HEXB: variants seen among roughly 807,000 people sequenced by gnomAD.
The protein encoded by HEXB is hexosaminidase subunit beta.
HEXB carries 51 observed loss-of-function variants against 71.2 expected under a neutral mutation model. The ratio of observed to expected loss-of-function variants is 0.72; its 90% CI spans 0.57 to 0.90. HEXB has a LOEUF of 0.90. Among genes scored for constraint, HEXB ranks in the 40% least tolerant of loss-of-function variants. HEXB has a pLI of 0.00. For synonymous variants in HEXB, 266 were observed against 249.3 expected (o/e 1.07, Z -0.63); for missense variants, 617 against 677.0 (o/e 0.91, Z 0.98).
At chr5:74,683,982 A>G (rs820868), upstream of HEXB, among the ~76,000 whole-genome samples, 81,019 of 151,624 alleles carry the variant, frequency 0.53, 22,038 homozygotes, top group Non-Finnish European at 0.57. Context: ...CACCACGCCC[A>G]ACTAATTTTT....
At chr5:74,710,371 C>T (rs1301906478) in intron 6 of HEXB, among the ~76,000 whole-genome samples, 3 of 152,196 alleles carry the variant, frequency 2.0e-5, no homozygotes, top group Non-Finnish European at 4.4e-5. Flanking sequence ...CCTTTGAAAC[C>T]TGGCACAAGA....
intron 5 of HEXB, among the ~76,000 whole-genome samples, chr5:74,701,245 G>A (rs1299853699): frequency 1.3e-5 from 2 of 151,942 alleles, no homozygotes; most frequent in African/African-American, 2.4e-5. Flanking sequence ...TTGGCTTTGG[G>A]AAGTATGCTT....
chr5:74,718,212 C>T, intron 9 of HEXB, 79 bp from the exon 10 acceptor site: 1 of 1,017,820 alleles, frequency 9.8e-7, no homozygotes, highest in Non-Finnish European at 1.5e-6. Flanking sequence ...GCAAGAAATC[C>T]TTGGTAGAAA....
intron 1 of HEXB, 98 bp downstream of exon 1, chr5:74,685,657 C>A: frequency 9.0e-7 from 1 of 1,113,816 alleles, no homozygotes; most frequent in South Asian, 1.6e-5. Flanking sequence ...ACTGCGCAGA[C>A]GAGAAACCGC....
At chr5:74,708,570 G>A (rs1359167105) in intron 6 of HEXB, among the ~76,000 whole-genome samples, 1 of 152,138 alleles carries the variant, frequency 6.6e-6, no homozygotes, top group African/African-American at 2.4e-5. Context: ...GACACACATA[G>A]GCTCGATATA....
rs564066914 is a variant in HEXB, at chr5:74,652,756, C to T, written c.-377+12198C>T. On this transcript the variant is annotated intron_variant, in intron 1 of 13. Coordinates refer to the HEXB transcript ENST00000511181. This position sits in a 1 kb window ranked among gnomAD's most constrained non-coding sequence, Gnocchi z 5.4. ...GGTCCTCCCACATCTGCCCACAGCA[C>T]CAGCTCCGAGATAACCATCACCCTC... 6.6e-6 allele frequency among the ~76,000 whole-genome samples: 1 copy of T among 152,234 alleles called. No individual in the cohort carries two copies. Among genetic ancestry groups the T allele is most frequent in the South Asian group, 2.1e-4 (1 of 4,822 alleles).
chr5:74,640,098 C>T (rs574471004), exon 1 of HEXB: 2 of 152,386 alleles, frequency 1.3e-5, no homozygotes, highest in South Asian at 2.1e-4. Context: ...GCCGGTCGAC[C>T]TCTCCGGCGA....
chr5:74,657,179 G>C (rs1301671264), intron 1 of HEXB, among the ~76,000 whole-genome samples: 1 of 152,034 alleles, frequency 6.6e-6, no homozygotes, highest in East Asian at 1.9e-4. Context: ...CCTGATAAAT[G>C]TACACTTTAT....
At chr5:74,678,246 T>C (rs539266389) in intron 1 of HEXB, among the ~76,000 whole-genome samples, 259 of 151,934 alleles carry the variant, frequency 1.7e-3, no homozygotes, top group Non-Finnish European at 3.2e-3. Flanking sequence ...TGCAGTGAGC[T>C]GAGATCGTGC....
chr5:74,670,401 A>G (rs1748511141), intron 1 of HEXB, among the ~76,000 whole-genome samples: 1 of 152,104 alleles, frequency 6.6e-6, no homozygotes, highest in African/African-American at 2.4e-5. Flanking sequence ...GCTCAATAAA[A>G]TTATTCTCCA....
chr5:74,718,809 A>G lies in HEXB; in HGVS notation c.1255A>G (p.Thr419Ala). The change falls in exon 11 of 14, where the codon ACA (threonine) becomes GCA (alanine). Residue 419 changes from threonine (T) to alanine (A), a missense_variant. Thr to Ala is a moderately conservative substitution (Grantham distance 58). Coordinates refer to ENST00000261416, the MANE Select transcript of HEXB (RefSeq NM_000521.4). ...GTAACGTTAATAGCTTGCGCCGGGC[A>G]CAATAGTTGAAGTATGGAAAGACAG... ...FDDKAKLAPG[T>A]IVEVWKDSAY... is the part of the protein sequence containing the mutation. The G allele has an allele frequency of 6.2e-7, 1 of 1,614,156 alleles. No individual in the cohort carries two copies. Among genetic ancestry groups the G allele is most frequent in the Non-Finnish European group, 8.5e-7 (1 of 1,180,008 alleles).
At chr5:74,671,965 G>A (rs748608355) in intron 1 of HEXB, among the ~76,000 whole-genome samples, 19 of 152,220 alleles carry the variant, frequency 1.2e-4, no homozygotes, top group East Asian at 3.9e-4. Context: ...AATAGGTGGC[G>A]GCCACTCGTT....
upstream of HEXB, chr5:74,685,219 G>A (rs1430566600): frequency 2.7e-6 from 4 of 1,471,178 alleles, no homozygotes; most frequent in South Asian, 1.3e-5. Flanking sequence ...CGGGTCCCGA[G>A]GCTCCGGCTC....
chr5:74,649,143 C>T (rs1748057128), intron 1 of HEXB, among the ~76,000 whole-genome samples: 1 of 152,212 alleles, frequency 6.6e-6, no homozygotes, highest in Non-Finnish European at 1.5e-5. Flanking sequence ...TTCAAATGAG[C>T]AATGCCAAAT....
intron 5 of HEXB, 121 bp from the exon 6 acceptor site, chr5:74,705,091 CAAAAAAA>C: frequency 1.0e-4 from 44 of 440,112 alleles, no homozygotes; most frequent in East Asian, 1.7e-4. Flanking sequence ...GACCCTGTCT[CAAAAAAA>C]AAAAAAAAAA....
intron 1 of HEXB, among the ~76,000 whole-genome samples, chr5:74,670,607 TG>T (rs1327911230): frequency 6.6e-6 from 1 of 152,064 alleles, no homozygotes; most frequent in Non-Finnish European, 1.5e-5. Context: ...CCAGCCAGGG[TG>T]GGGCAAGATG....
intron 1 of HEXB, among the ~76,000 whole-genome samples, chr5:74,661,547 GTGTGTGTGTGTGTGTGTCTCTC>G (rs1298957113): frequency 1.2e-3 from 102 of 82,938 alleles, no homozygotes; most frequent in African/African-American, 6.5e-3. Context: ...GTGTGTGTGT[GTGTGTGTGTGTGTGTGTCTCTC>G]TCTCTCTCTC....
intron 6 of HEXB, among the ~76,000 whole-genome samples, chr5:74,712,527 G>A (rs1377660691): frequency 6.6e-6 from 1 of 152,000 alleles, no homozygotes; most frequent in Non-Finnish European, 1.5e-5. Flanking sequence ...TAAAACATTT[G>A]CAGTGGGATA....
intron 6 of HEXB, among the ~76,000 whole-genome samples, chr5:74,706,625 C>T (rs1027393704): frequency 4.6e-5 from 7 of 152,170 alleles, no homozygotes; most frequent in Non-Finnish European, 8.8e-5. Flanking sequence ...GCTTAGGAAA[C>T]GGCACACCAG....
Sources: allele counts gnomAD v4.1 joint callset (sites outside exome capture counted in the v4.1 genomes callset), GRCh38; gene constraint gnomAD v4.1.1; non-coding constraint Gnocchi (gnomAD v3.1); transcripts MANE v1.5; gene names NCBI Gene and HGNC (gene_info 2026-07-23, HGNC 2026-07-21).